Variants in EME2 observed in about 807,000 individuals in gnomAD.
EME2 encodes the protein structure-specific endonuclease subunit EME2.
A neutral mutation model predicts 41.9 loss-of-function variants in EME2; 58 were observed. The ratio of observed to expected loss-of-function variants is 1.38; its 90% CI spans 1.12 to 1.72. The LOEUF is 1.72. EME2 is among the 40% of genes most tolerant of loss of function. EME2 has a pLI of 0.00. For synonymous variants in EME2, 334 were observed against 239.3 expected, an observed-to-expected ratio of 1.40 and a Z score of -3.65; for missense variants, 695 against 541.9, an observed-to-expected ratio of 1.28 and a Z score of -2.81.
chr16:1,778,266 A>C lies in EME2; in HGVS notation c.*2028A>C. The C allele has an allele frequency of 6.2e-7, 1 of 1,612,862 alleles. No homozygotes were observed. Among genetic ancestry groups the C allele is most frequent in the Non-Finnish European group, 8.5e-7 (1 of 1,179,990 alleles). On this transcript the variant is annotated 3_prime_UTR_variant, in exon 8 of 8. Transcript: ENST00000568449. ...TGTGGAAGCTGACCTTACGGTTGTC[A>C]CAGCTCAGCAGGGTGGCTGATGACT... is the stretch of plus-strand genomic sequence containing the variant.
In EME2 at chr16:1,777,309, G is replaced by A. The variant is rs746833455; in HGVS notation, c.*1071G>A. ...TCTCCCGAGTCTGGCCGCAGCTGGC[G>A]CAGGCGGTGGCAGCACAGGTACTGG... On this transcript the variant is annotated 3_prime_UTR_variant, in exon 8 of 8. Coordinates refer to ENST00000568449, the MANE Select transcript of EME2 (RefSeq NM_001257370.2). 17 of 1,609,746 alleles carry A rather than the reference G, an allele frequency of 1.1e-5. 1 individual carries two copies. The South Asian group carries it at 1.2e-4, about 11-fold the overall frequency.
chr16:1,781,233 G>A lies in EME2; in HGVS notation c.*4995G>A. The A allele has an allele frequency of 6.3e-7, 1 of 1,591,470 alleles. No homozygotes were observed. The highest frequency in any genetic ancestry group is 8.5e-7 in the Non-Finnish European group (1 of 1,174,396). On this transcript the variant is annotated 3_prime_UTR_variant, in exon 8 of 8. Transcript: ENST00000568449. ...CAGGAGACAGGCCCAGGTTTGGACT[G>A]GTCCTCTAGCCTCAGAAGCATCTTT...
At position 1,775,788 on chromosome 16, in the gene EME2, T is replaced by G; in HGVS notation, c.780-9T>G. ...CATGAGGTTCTAAAAGGCTTCTCTC[T>G]GTCCCCAGGCAGTACCGGGAATCCC... On this transcript the variant is annotated splice_polypyrimidine_tract_variant and intron_variant, in intron 6 of 7. Coordinates refer to ENST00000568449, the MANE Select transcript of EME2 (RefSeq NM_001257370.2). The G allele has an allele frequency of 6.2e-7, 1 of 1,612,320 alleles. No homozygotes were observed. The highest frequency in any genetic ancestry group is 8.5e-7 in the Non-Finnish European group (1 of 1,179,528).
rs564474429 is a variant in EME2 at position 1,775,310 on chromosome 16, C to T, written c.570-5C>T. 2.3e-5 allele frequency: 37 copies of T among 1,609,714 alleles called. No homozygotes were observed. The South Asian group carries it at 3.5e-4, about 15-fold the overall frequency. ...GAGCGGGGAGGAATGGTCACCTCTG[C>T]TCAGGTCTCGCCAGCACGTTTCCCG... On this transcript the variant is annotated splice_polypyrimidine_tract_variant and splice_region_variant and intron_variant, in intron 4 of 7. Transcript: ENST00000568449.
rs2042738149 is a variant in EME2 at position 1,777,912 on chromosome 16, G to A, written c.*1674G>A. ...GGTCGCAGTGAGCCCGGGAGCTCCA[G>A]GCTCGGCCCCGCCCCACCCTGGGCC... On this transcript the variant is annotated 3_prime_UTR_variant, in exon 8 of 8. Coordinates refer to ENST00000568449, the MANE Select transcript of EME2 (RefSeq NM_001257370.2). 1.2e-6 allele frequency: 2 copies of A among 1,611,796 alleles called. No individual in the cohort carries two copies. The highest frequency in any genetic ancestry group is 1.7e-5 in the Admixed American group (1 of 59,958).
chr16:1,777,930 C>T lies in EME2; in HGVS notation c.*1692C>T. Reference sequence around the variant, plus strand: ...AGCTCCAGGCTCGGCCCCGCCCCACCCTGGGCCTCACGCACCCGTGTAGGA... The same window carrying T: ...AGCTCCAGGCTCGGCCCCGCCCCACTCTGGGCCTCACGCACCCGTGTAGGA... On this transcript the variant is annotated 3_prime_UTR_variant, in exon 8 of 8. Transcript: ENST00000568449. 1 of 1,612,474 alleles carries T rather than the reference C, an allele frequency of 6.2e-7. No homozygotes were observed. Among genetic ancestry groups the T allele is most frequent in the Non-Finnish European group, 8.5e-7 (1 of 1,179,860 alleles).
In EME2 at chr16:1,777,479, G is replaced by T; in HGVS notation, c.*1241G>T. On this transcript the variant is annotated 3_prime_UTR_variant, in exon 8 of 8. Transcript: ENST00000568449. Reference sequence around the variant, plus strand: ...GGGGCCCAGCCTGAACCCCAGGCAGGGAAGGGGCCAGCTACTGGGCGCAGC... The same window carrying T: ...GGGGCCCAGCCTGAACCCCAGGCAGTGAAGGGGCCAGCTACTGGGCGCAGC... 1 of 1,461,510 alleles carries T rather than the reference G, an allele frequency of 6.8e-7. No individual in the cohort carries two copies. Among genetic ancestry groups the T allele is most frequent in the Non-Finnish European group, 9.0e-7 (1 of 1,107,594 alleles). The allele number at this position is 1,461,510 out of a possible 1,614,324, so 90.5% of individuals were successfully genotyped here. A position where few individuals can be genotyped will look rare whatever the true frequency, so the allele number is the denominator to read the frequency against.
At chr16:1,775,223 G>A in intron 4 of EME2, 91 bp downstream of exon 4, 1 of 1,585,600 alleles carries the variant, frequency 6.3e-7, no homozygotes, top group Non-Finnish European at 8.6e-7. Context: ...TGGCACAGCT[G>A]ATCCCACTTC....
chr16:1,778,981 C>T lies in EME2; in HGVS notation c.*2743C>T, dbSNP rs895133756. On this transcript the variant is annotated 3_prime_UTR_variant, in exon 8 of 8. Transcript: ENST00000568449. ...CTGCAGGGGCCCCCAGGCAAGGCCA[C>T]CACCCCCACACCAGGCCCAGCTGCA... 8 of 199,454 alleles carry T rather than the reference C, an allele frequency of 4.0e-5. No homozygotes were observed. The highest frequency in any genetic ancestry group is 7.1e-5 in the Non-Finnish European group (7 of 99,008). The allele number at this position is 199,454 out of a possible 1,614,324, so 12.4% of individuals were successfully genotyped here. A position where few individuals can be genotyped will look rare whatever the true frequency, so the allele number is the denominator to read the frequency against.
chr16:1,774,089 G>C (rs913434493), intron 2 of EME2, among the ~76,000 whole-genome samples, 171 bp from the exon 3 acceptor site: 2 of 152,248 alleles, frequency 1.3e-5, no homozygotes, highest in African/African-American at 4.8e-5. Context: ...CAGAGACCTG[G>C]CCTGAGCTTG....
chr16:1,779,947 C>T lies in EME2; in HGVS notation c.*3709C>T, dbSNP rs949333756. 3.9e-5 allele frequency: 6 copies of T among 152,168 alleles called. No homozygotes were observed. The highest frequency in any genetic ancestry group is 1.3e-4 in the Admixed American group (2 of 15,288). The allele number at this position is 152,168 out of a possible 1,614,324, so 9.4% of individuals were successfully genotyped here. A position where few individuals can be genotyped will look rare whatever the true frequency, so the allele number is the denominator to read the frequency against. The stretch of plus-strand genomic sequence containing the variant: ...AGGAGACCTCAGGACGGCCCCCACC[C>T]GGTGGGTAAGGACCCTGTTTCCCAA... On this transcript the variant is annotated 3_prime_UTR_variant, in exon 8 of 8. Coordinates refer to ENST00000568449, the MANE Select transcript of EME2 (RefSeq NM_001257370.2).
chr16:1,778,834 C>A lies in EME2; in HGVS notation c.*2596C>A. On this transcript the variant is annotated 3_prime_UTR_variant, in exon 8 of 8. Transcript: ENST00000568449. ...GACCAGGAGGGCCCTGGAGGCCCAG[C>A]CACAGAGCAGTAGCCAAGGCTGCCT... 2.1e-6 allele frequency: 1 copy of A among 480,590 alleles called. No individual in the cohort carries two copies. Among genetic ancestry groups the A allele is most frequent in the Non-Finnish European group, 3.6e-6 (1 of 277,162 alleles). 29.8% of individuals were successfully genotyped at this position (480,590 alleles called of 1,614,324 possible).
Position 1,773,363 on chromosome 16 carries a change from G to T in EME2, c.136G>T (p.Ala46Ser). ...SDAEDSAGSEAAARARDPAGE... is the reference protein window; with the variant it reads ...SDAEDSAGSESAARARDPAGE... ...CGCTGAGGACTCCGCCGGCTCGGAG[G>T]CCGCCGCGAGAGCCCGGGACCCAGC... Residue 46 changes from alanine to serine, a missense_variant, in exon 1 of 8, where the codon GCC (alanine) becomes TCC (serine). Coordinates refer to ENST00000568449, the MANE Select transcript of EME2 (RefSeq NM_001257370.2). The T allele has an allele frequency of 1.3e-6, 2 of 1,524,478 alleles. No homozygotes were observed. The highest frequency in any genetic ancestry group is 2.5e-5 in the East Asian group (1 of 40,244). 94.4% of individuals were successfully genotyped at this position (1,524,478 alleles called of 1,614,324 possible). A position where few individuals can be genotyped will look rare whatever the true frequency, so the allele number is the denominator to read the frequency against.
rs758340257 is a variant in EME2 at position 1,778,330 on chromosome 16, G to A, written c.*2092G>A. 2 of 1,611,968 alleles carry A rather than the reference G, an allele frequency of 1.2e-6. No individual in the cohort carries two copies. The highest frequency in any genetic ancestry group is 1.1e-5 in the South Asian group (1 of 91,062). On this transcript the variant is annotated 3_prime_UTR_variant, in exon 8 of 8. Transcript: ENST00000568449. ...CCAGACCCAGTCGAAATCTGCAAGA[G>A]AGGCCCAGGCTGGGGCAGCCCTGAG...
Position 1,772,988 on chromosome 16 carries a change from C to T in EME2, c.-240C>T. 3 of 1,451,866 alleles carry T rather than the reference C, an allele frequency of 2.1e-6. No individual in the cohort carries two copies. The highest frequency in any genetic ancestry group is 5.5e-5 in the Admixed American group (2 of 36,458). 89.9% of individuals were successfully genotyped at this position (1,451,866 alleles called of 1,614,324 possible). On this transcript the variant is annotated 5_prime_UTR_variant, in exon 1 of 8. It adds an upstream start codon to the 5' untranslated region. Coordinates refer to ENST00000568449, the MANE Select transcript of EME2 (RefSeq NM_001257370.2). The stretch of plus-strand genomic sequence containing the variant: ...GGACCGGCAGCCGGCGTCCAGAGAA[C>T]GGCCGCGTCAAGGTCTCGTAGTCCA...
rs1234220475 is a variant in EME2, at chr16:1,772,875, C to G, written c.-353C>G. On this transcript the variant is annotated 5_prime_UTR_variant, in exon 1 of 8. Coordinates refer to ENST00000568449, the MANE Select transcript of EME2 (RefSeq NM_001257370.2). ...GTCGTGCTGCCACAGCCAGGACTTG[C>G]GCGTGACCAGGCGGCCCAGGCCGAA... 40 of 1,452,838 alleles carry G rather than the reference C, an allele frequency of 2.8e-5. No homozygotes were observed. The highest frequency in any genetic ancestry group is 3.2e-5 in the Non-Finnish European group (35 of 1,110,186). The allele number at this position is 1,452,838 out of a possible 1,614,324, so 90.0% of individuals were successfully genotyped here.
Position 1,778,596 on chromosome 16 carries a change from G to C in EME2, c.*2358G>C. ...CGGCAGCGTGGAGTACTCGGGGTCGGAGTCCGAGTCGCTGTGCTGGGAGAG... is the reference window on the plus strand; with the variant it reads ...CGGCAGCGTGGAGTACTCGGGGTCGCAGTCCGAGTCGCTGTGCTGGGAGAG... On this transcript the variant is annotated 3_prime_UTR_variant, in exon 8 of 8. Transcript: ENST00000568449. 6.4e-7 allele frequency: 1 copy of C among 1,566,494 alleles called. No homozygotes were observed. Among genetic ancestry groups the C allele is most frequent in the Non-Finnish European group, 8.7e-7 (1 of 1,153,142 alleles).
At position 1,777,580 on chromosome 16, in the gene EME2, C is replaced by T; in HGVS notation, c.*1342C>T. The T allele has an allele frequency of 3.7e-6, 5 of 1,360,330 alleles. No individual in the cohort carries two copies. The highest frequency in any genetic ancestry group is 3.9e-6 in the Non-Finnish European group (4 of 1,016,356). 84.3% of individuals were successfully genotyped at this position (1,360,330 alleles called of 1,614,324 possible). On this transcript the variant is annotated 3_prime_UTR_variant, in exon 8 of 8. Transcript: ENST00000568449. ...GGCAAGGCAGGGTGCACGCGCTGGC[C>T]CTGCCACTCCAGCCTGGCCTCACTG...
intron 3 of EME2, among the ~76,000 whole-genome samples, chr16:1,774,564 G>A (rs2042680843): frequency 6.6e-6 from 1 of 152,236 alleles, no homozygotes; most frequent in South Asian, 2.1e-4. Context: ...TGCTCCTAGA[G>A]GATCCTGAGA....
Sources: gnomAD v4.1 joint callset for allele counts (sites outside exome capture counted in the v4.1 genomes callset) on GRCh38, gnomAD v4.1.1 for gene constraint, MANE v1.5 for transcripts, NCBI Gene and HGNC (gene_info 2026-07-23, HGNC 2026-07-21) for gene names.